The following DACH1 variants were observed in gnomAD, a reference collection of about 807,000 sequenced individuals.
DACH1 encodes dachshund family transcription factor 1, also known as dachshund homolog 1.
DACH1 carries 12 observed loss-of-function variants against 54.2 expected under a neutral mutation model. That is an observed-to-expected ratio of 0.22 (90% CI 0.14 to 0.36). The LOEUF is 0.36. Among genes scored for constraint, DACH1 ranks in the 10% least tolerant of loss-of-function variants. DACH1 has a pLI of 1.00. For synonymous variants in DACH1, 386 were observed against 366.2 expected (o/e 1.05, Z -0.62); for missense variants, 805 against 929.8 (o/e 0.87, Z 1.75).
At chr13:71,807,401 A>G (rs1887544991) in intron 1 of DACH1, among the ~76,000 whole-genome samples, 1 of 137,492 alleles carries the variant, frequency 7.3e-6, no homozygotes, top group African/African-American at 2.8e-5. Flanking sequence ...ACGTTCTGTC[A>G]GTATTTATCA....
intron 2 of DACH1, among the ~76,000 whole-genome samples, chr13:71,639,887 A>G (rs1877764237): frequency 6.6e-6 from 1 of 152,104 alleles, no homozygotes; most frequent in Admixed American, 6.6e-5. Context: ...GGTCTTAAAT[A>G]TGTAACTTTT....
chr13:71,456,898 AACGTTGC>A (rs1256836701), intron 10 of DACH1, among the ~76,000 whole-genome samples: 1 of 151,986 alleles, frequency 6.6e-6, no homozygotes, highest in East Asian at 1.9e-4. Context: ...AAAAATTCTA[AACGTTGC>A]AGCCCTAGAC....
intron 1 of DACH1, among the ~76,000 whole-genome samples, chr13:71,850,620 C>T (rs748788116): frequency 2.5e-4 from 38 of 152,112 alleles, no homozygotes; most frequent in Non-Finnish European, 8.8e-5. Context: ...TGATTCAGTA[C>T]AAAAATGTTG....
At chr13:71,450,578 C>T (rs1874947458) in intron 10 of DACH1, among the ~76,000 whole-genome samples, 2 of 152,078 alleles carry the variant, frequency 1.3e-5, no homozygotes, top group African/African-American at 4.8e-5. Context: ...ACTTGCATGT[C>T]TCTCACTCTA....
chr13:71,820,080 A>G (rs1363720950), intron 1 of DACH1, among the ~76,000 whole-genome samples: 1 of 145,356 alleles, frequency 6.9e-6, no homozygotes, highest in Non-Finnish European at 1.5e-5. Context: ...CAGCTTCGGC[A>G]ACATAGGGAG....
chr13:71,566,529 CT>C (rs1404650480), intron 4 of DACH1, among the ~76,000 whole-genome samples: 1 of 152,056 alleles, frequency 6.6e-6, no homozygotes, highest in Non-Finnish European at 1.5e-5. Flanking sequence ...AGGAAAAATG[CT>C]TGATCCCTTC....
intron 1 of DACH1, among the ~76,000 whole-genome samples, chr13:71,810,219 C>T (rs765929724): frequency 6.6e-6 from 1 of 152,068 alleles, no homozygotes; most frequent in Non-Finnish European, 1.5e-5. Context: ...AACGTTATCA[C>T]TTAGAAAGAA....
At chr13:71,548,773 C>T (rs756686028) in intron 6 of DACH1, among the ~76,000 whole-genome samples, 97 of 151,726 alleles carry the variant, frequency 6.4e-4, no homozygotes, top group Non-Finnish European at 1.1e-3. Context: ...AAAAAGTAGC[C>T]GGTGTGGTGG....
At chr13:71,488,359 A>G (rs1322630672) in intron 7 of DACH1, among the ~76,000 whole-genome samples, 1 of 152,032 alleles carries the variant, frequency 6.6e-6, no homozygotes, top group African/African-American at 2.4e-5. Context: ...CACTCTTATT[A>G]TCTTGGCTCC....
At chr13:71,611,538 T>C (rs565127080) in intron 3 of DACH1, among the ~76,000 whole-genome samples, 1 of 152,338 alleles carries the variant, frequency 6.6e-6, no homozygotes, top group South Asian at 2.1e-4. Flanking sequence ...TGGTTTCTTA[T>C]ACCTTCCGTA....
intron 3 of DACH1, among the ~76,000 whole-genome samples, chr13:71,612,559 T>C (rs1418035089): frequency 6.6e-6 from 1 of 152,178 alleles, no homozygotes; most frequent in Non-Finnish European, 1.5e-5. Flanking sequence ...AGACCCTGCC[T>C]TCATTACACG....
chr13:71,486,023 ATATAAT>A (rs1593770093), intron 7 of DACH1, among the ~76,000 whole-genome samples: 1 of 151,918 alleles, frequency 6.6e-6, no homozygotes, highest in African/African-American at 2.4e-5. Flanking sequence ...AAATTTTCAC[ATATAAT>A]TATAGTATTT....
chr13:71,564,481 A>AAAAAAAGGT (rs1421202098), intron 4 of DACH1, among the ~76,000 whole-genome samples: 3 of 152,054 alleles, frequency 2.0e-5, no homozygotes, highest in Non-Finnish European at 2.9e-5. Flanking sequence ...CTGAAAAAAA[A>AAAAAAAGGT]AAAAAAGGTC....
chr13:71,495,974 T>C (rs1022941643), intron 6 of DACH1, among the ~76,000 whole-genome samples: 2 of 152,066 alleles, frequency 1.3e-5, no homozygotes, highest in Non-Finnish European at 2.9e-5. Flanking sequence ...GGCTTACGCC[T>C]GAAATCCCAG....
rs142237885 is a variant in DACH1, at chr13:71,609,818, C to T, written c.1126+20738G>A. 1.2e-4 allele frequency among the ~76,000 whole-genome samples: 19 copies of T among 152,110 alleles called. No individual in the cohort carries two copies. In the East Asian group the frequency reaches 1.5e-3, roughly 12 times the overall value. ...CTGGGATTACAGGCGTGAGCCACTG[C>T]GCCCAGCCAGAAGTTGACTTTTTAT... On this transcript the variant is annotated intron_variant, in intron 3 of 10. Coordinates refer to ENST00000613252, the MANE Select transcript of DACH1 (RefSeq NM_080759.6).
intron 1 of DACH1, among the ~76,000 whole-genome samples, chr13:71,837,832 T>C (rs559547037): frequency 6.7e-6 from 1 of 149,724 alleles, no homozygotes; most frequent in East Asian, 2.2e-4. Flanking sequence ...CCATAAAAAA[T>C]GATGAGTTCA....
At position 71,439,420 on chromosome 13, in the gene DACH1, G is replaced by A. The variant is rs556966804; in HGVS notation, c.*1235C>T. ...CCCTTCCCTCTGACAAGGGTGGGAA[G>A]CACAGCACATTTTAACTTTATCACT... On this transcript the variant is annotated 3_prime_UTR_variant, in exon 11 of 11. Coordinates refer to ENST00000613252, the MANE Select transcript of DACH1 (RefSeq NM_080759.6). 2.0e-5 allele frequency: 3 copies of A among 152,588 alleles called. No individual in the cohort carries two copies. The South Asian group carries it at 6.2e-4, about 32-fold the overall frequency. The allele number at this position is 152,588 out of a possible 1,614,324, so 9.5% of individuals were successfully genotyped here. A position where few individuals can be genotyped will look rare whatever the true frequency, so the allele number is the denominator to read the frequency against.
At chr13:71,832,153 T>G (rs1207006450) in intron 1 of DACH1, among the ~76,000 whole-genome samples, 1 of 151,960 alleles carries the variant, frequency 6.6e-6, no homozygotes, top group Non-Finnish European at 1.5e-5. Context: ...GTAAAGGATC[T>G]TTCTAAGATT....
intron 1 of DACH1, among the ~76,000 whole-genome samples, chr13:71,742,702 ATC>A (rs1337881557): frequency 1.3e-5 from 2 of 152,012 alleles, no homozygotes; most frequent in African/African-American, 4.8e-5. Context: ...TTTCAACATC[ATC>A]TTCTTCATCT....
Sources: allele counts gnomAD v4.1 joint callset (sites outside exome capture counted in the v4.1 genomes callset), GRCh38; gene constraint gnomAD v4.1.1; transcripts MANE v1.5; gene names NCBI Gene and HGNC (gene_info 2026-07-23, HGNC 2026-07-21).